Variants in SULF1 observed in about 807,000 individuals in gnomAD.
SULF1 encodes sulfatase 1.
In SULF1, 46 loss-of-function variants were observed where a neutral mutation model predicts 110.5. That is an observed-to-expected ratio of 0.42 (90% CI 0.33 to 0.53). SULF1 has a LOEUF of 0.53. Ranked by LOEUF, SULF1 falls within the 20% of genes least tolerant of loss-of-function variation. The pLI, the probability that SULF1 is intolerant of heterozygous loss-of-function variation, is 0.12. For missense variants in SULF1, 941 were observed against 1,094.2 expected, an observed-to-expected ratio of 0.86 and a Z score of 1.98; for synonymous variants, 371 against 387.1, an observed-to-expected ratio of 0.96 and a Z score of 0.49.
At chr8:69,508,913 T>C (rs908164543) in intron 3 of SULF1, among the ~76,000 whole-genome samples, 3 of 152,144 alleles carry the variant, frequency 2.0e-5, no homozygotes, top group Non-Finnish European at 4.4e-5. Flanking sequence ...TGTGAGTATC[T>C]CTCTTCATGG....
intron 3 of SULF1, among the ~76,000 whole-genome samples, chr8:69,535,417 C>T (rs1813368951): frequency 6.6e-6 from 1 of 152,136 alleles, no homozygotes; most frequent in South Asian, 2.1e-4. Flanking sequence ...AAGAGAGGTG[C>T]ACTCCAGACA....
intron 3 of SULF1, among the ~76,000 whole-genome samples, chr8:69,513,577 C>A (rs1811719792): frequency 6.6e-6 from 1 of 152,250 alleles, no homozygotes; most frequent in South Asian, 2.1e-4. Context: ...ATGGTACAAT[C>A]ATTCATGGCT....
At chr8:69,548,614 A>ATTTT (rs3059933) in intron 3 of SULF1, among the ~76,000 whole-genome samples, 2,185 of 120,794 alleles carry the variant, frequency 0.018, 98 homozygotes, top group African/African-American at 0.068. Flanking sequence ...TGCCTCGCTG[A>ATTTT]TTTTTTTTTT....
intron 3 of SULF1, among the ~76,000 whole-genome samples, chr8:69,528,150 A>G (rs1417968273): frequency 6.6e-6 from 1 of 152,072 alleles, no homozygotes; most frequent in East Asian, 1.9e-4. Context: ...TTGCCTCTTG[A>G]CCTCAAAAAA....
chr8:69,641,067 C>T, intron 22 of SULF1: 1 of 403,786 alleles, frequency 2.5e-6, no homozygotes, highest in South Asian at 8.9e-5. Context: ...CATTTACTCA[C>T]TCCCATGCTT....
At chr8:69,620,951 A>G (rs1461264670) in intron 13 of SULF1, 84 bp from the exon 14 acceptor site, 1 of 1,245,550 alleles carries the variant, frequency 8.0e-7, no homozygotes, top group African/African-American at 1.5e-5. Flanking sequence ...AAAAAAAGAA[A>G]AAAGAAAAAA....
intron 13 of SULF1, among the ~76,000 whole-genome samples, chr8:69,606,826 G>A (rs1439019525): frequency 2.0e-5 from 3 of 152,188 alleles, no homozygotes; most frequent in Non-Finnish European, 4.4e-5. Context: ...TCATTTCGCT[G>A]TGAATCAGTC....
Position 69,586,600 on chromosome 8 carries a change from G to A in SULF1, c.564+92G>A, listed in dbSNP as rs573656168. 8.4e-5 allele frequency: 113 copies of A among 1,342,954 alleles called. No individual in the cohort carries two copies. The South Asian group carries it at 1.5e-3, about 18-fold the overall frequency. 83.2% of individuals were successfully genotyped at this position (1,342,954 alleles called of 1,614,324 possible). ...GTGAGTTAAACTATCCACAAGATTG[G>A]CTTTCTATGTTCTCACAATGTTAGC... On this transcript the variant is annotated intron_variant, in intron 7 of 22. Transcript: ENST00000402687.
intron 5 of SULF1, among the ~76,000 whole-genome samples, chr8:69,575,734 T>TC (rs1805561333): frequency 6.6e-6 from 1 of 152,206 alleles, no homozygotes; most frequent in South Asian, 2.1e-4. Context: ...CATTTTTTTT[T>TC]CTTCGTGATT....
In SULF1 at chr8:69,587,664, A is replaced by G. The variant is rs1169284676; in HGVS notation, c.564+1156A>G. On this transcript the variant is annotated intron_variant, in intron 7 of 22. Coordinates refer to ENST00000402687, the MANE Select transcript of SULF1 (RefSeq NM_001128205.2). ...CCCCAGCTGTGGATACAATCATTGC[A>G]AGCAAATGGTGCAGACCACGTGCAC... Among the ~76,000 whole-genome samples, 3 of 152,146 alleles carry G rather than the reference A, an allele frequency of 2.0e-5. No individual in the cohort carries two copies. In the East Asian group the frequency reaches 5.8e-4, roughly 29 times the overall value.
intron 3 of SULF1, among the ~76,000 whole-genome samples, chr8:69,504,877 A>G (rs924484976): frequency 3.3e-5 from 5 of 152,204 alleles, no homozygotes; most frequent in Non-Finnish European, 7.3e-5. Flanking sequence ...GTTTTTGGGT[A>G]TGTGCTTGGA....
At chr8:69,654,670 C>T (rs924253335) in intron 22 of SULF1, among the ~76,000 whole-genome samples, 7 of 152,228 alleles carry the variant, frequency 4.6e-5, no homozygotes, top group South Asian at 2.1e-4. Flanking sequence ...ATCACACCGG[C>T]ATCCTCTCCT....
intron 15 of SULF1, among the ~76,000 whole-genome samples, chr8:69,624,712 G>A (rs1809863796): frequency 6.6e-6 from 1 of 152,154 alleles, no homozygotes; most frequent in African/African-American, 2.4e-5. Flanking sequence ...GGTTACAAAT[G>A]GATGTAAGAC....
In SULF1 at chr8:69,615,612, A is replaced by G. The variant is rs570104971; in HGVS notation, c.1378-5423A>G. Among the ~76,000 whole-genome samples, 8 of 152,218 alleles carry G rather than the reference A, an allele frequency of 5.3e-5. No individual in the cohort carries two copies. The South Asian group carries it at 1.2e-3, about 24-fold the overall frequency. ...TAGTATGTATGGATAATATGTTTGT[A>G]TGCATGTGTGTAGACATATATGCAT... On this transcript the variant is annotated intron_variant, in intron 13 of 22. Transcript: ENST00000402687.
chr8:69,643,254 T>C (rs562078544), intron 22 of SULF1, among the ~76,000 whole-genome samples: 1 of 152,328 alleles, frequency 6.6e-6, no homozygotes, highest in African/African-American at 2.4e-5. Flanking sequence ...TTGTATCTTA[T>C]TGGATTGAAT....
chr8:69,624,178 A>C lies in SULF1; in HGVS notation c.1831A>C (p.Thr611Pro). Residue 611 changes from threonine (T) to proline (P), a missense_variant, in exon 15 of 23, where the codon ACT becomes CCT. Around this residue, in one of 3 missense-constraint regions of SULF1, gnomAD observed 822 missense variants for 934.3 expected, o/e 0.88. Coordinates refer to ENST00000402687, the MANE Select transcript of SULF1 (RefSeq NM_001128205.2). ...CAGCAACGCCGTGGGCCCACCTACC[A>C]CTGTCCGAGTGACACACAAGTAAGA... ...DSSNAVGPPT[T>P]VRVTHKCFIL... 6.3e-7 allele frequency: 1 copy of C among 1,594,416 alleles called. No individual in the cohort carries two copies. The highest frequency in any genetic ancestry group is 2.2e-5 in the East Asian group (1 of 44,562).
chr8:69,549,106 G>A (rs1214361221), intron 3 of SULF1, among the ~76,000 whole-genome samples: 3 of 152,154 alleles, frequency 2.0e-5, no homozygotes, highest in Non-Finnish European at 4.4e-5. Flanking sequence ...AACAGCACTC[G>A]CAGTTTCCAT....
intron 13 of SULF1, among the ~76,000 whole-genome samples, chr8:69,618,502 C>G (rs1232695444): frequency 2.6e-5 from 4 of 152,076 alleles, no homozygotes; most frequent in Non-Finnish European, 5.9e-5. Flanking sequence ...CATTTTATAT[C>G]AGAGACTTGA....
At position 69,621,181 on chromosome 8, in the gene SULF1, G is replaced by T. The variant is rs1318568876; in HGVS notation, c.1524G>T (p.Glu508Asp). ...HDKDKECSCR[E>D]SGYRASRSQR... ...AAGACAAAGAGTGCAGTTGTAGGGA[G>T]TCTGGTTACCGTGCCAGCAGAAGCC... Residue 508 changes from glutamate (E) to aspartate (D), a missense_variant, in exon 14 of 23, where the codon GAG (glutamate) becomes GAT (aspartate). This residue lies in a region of SULF1 where 822 missense variants were observed against 934.3 expected (regional missense o/e 0.88). Coordinates refer to ENST00000402687, the MANE Select transcript of SULF1 (RefSeq NM_001128205.2). The T allele has an allele frequency of 6.2e-7, 1 of 1,613,996 alleles. No homozygotes were observed. The highest frequency in any genetic ancestry group is 1.3e-5 in the African/African-American group (1 of 74,940).
Sources: allele counts gnomAD v4.1 joint callset (sites outside exome capture counted in the v4.1 genomes callset), GRCh38; gene constraint gnomAD v4.1.1; regional missense constraint gnomAD v4.1.1; transcripts MANE v1.5; gene names NCBI Gene and HGNC (gene_info 2026-07-23, HGNC 2026-07-21).